The following SDK1 variants were observed in gnomAD, a reference collection of about 807,000 sequenced individuals.
SDK1 encodes sidekick cell adhesion molecule 1.
A neutral mutation model predicts 245.5 loss-of-function variants in SDK1; 157 were observed. The ratio of observed to expected loss-of-function variants is 0.64; its 90% CI spans 0.56 to 0.73. The LOEUF is 0.73. SDK1 is among the 30% of genes least tolerant of loss of function. The pLI, the probability that SDK1 is intolerant of heterozygous loss-of-function variation, is 0.00. For missense variants in SDK1, 3,583 were observed against 3,002.3 expected (o/e 1.19, Z -4.52); for synonymous variants, 1,647 against 1,278.5 (o/e 1.29, Z -6.15).
At chr7:3,728,192 G>A (rs575364486) in intron 4 of SDK1, among the ~76,000 whole-genome samples, 1 of 152,188 alleles carries the variant, frequency 6.6e-6, no homozygotes, top group South Asian at 2.1e-4. Context: ...CTTGATCACC[G>A]CTGAGGTAGT....
chr7:4,124,212 G>C (rs774920290), intron 25 of SDK1, among the ~76,000 whole-genome samples: 1 of 152,236 alleles, frequency 6.6e-6, no homozygotes, highest in Non-Finnish European at 1.5e-5. Flanking sequence ...CTTAAAGACT[G>C]TGTTCGTGTC....
At chr7:3,677,909 T>G (rs773080587) in intron 4 of SDK1, among the ~76,000 whole-genome samples, 21 of 152,180 alleles carry the variant, frequency 1.4e-4, no homozygotes, top group African/African-American at 3.9e-4. Context: ...GAGGCTGATG[T>G]CCAGAATGTG....
At chr7:3,520,952 A>T (rs1305695483) in intron 1 of SDK1, among the ~76,000 whole-genome samples, 1 of 152,188 alleles carries the variant, frequency 6.6e-6, no homozygotes, top group African/African-American at 2.4e-5. Context: ...TAGGTAAGGT[A>T]TGGCTGCACT....
At chr7:3,492,650 T>C (rs1781899488) in intron 1 of SDK1, among the ~76,000 whole-genome samples, 1 of 152,216 alleles carries the variant, frequency 6.6e-6, no homozygotes, top group Admixed American at 6.5e-5. Context: ...ATCTCCACAG[T>C]TCACAGGTAA....
rs140737299 is a variant in SDK1 at position 3,405,398 on chromosome 7, G to A, written c.298+103514G>A. ...TTTTAAACACTGAAGTGCCCAAGTTGCATGCAAACAGGCTGTGGGCTGACC... is the reference window on the plus strand; with the variant it reads ...TTTTAAACACTGAAGTGCCCAAGTTACATGCAAACAGGCTGTGGGCTGACC... On this transcript the variant is annotated intron_variant, in intron 1 of 44. Transcript: ENST00000404826. Among the ~76,000 whole-genome samples the A allele has an allele frequency of 1.3e-4, 20 of 152,242 alleles. No individual in the cohort carries two copies. In the East Asian group the frequency reaches 2.9e-3, roughly 22 times the overall value.
At chr7:3,837,922 C>T (rs1382412736) in intron 5 of SDK1, among the ~76,000 whole-genome samples, 1 of 152,128 alleles carries the variant, frequency 6.6e-6, no homozygotes, top group Non-Finnish European at 1.5e-5. Context: ...TTTATTCGCT[C>T]CTGGAGTGAT....
chr7:3,745,885 G>A (rs773457273), intron 4 of SDK1, among the ~76,000 whole-genome samples: 4 of 152,164 alleles, frequency 2.6e-5, no homozygotes, highest in Non-Finnish European at 5.9e-5. Flanking sequence ...GAGATTTTCT[G>A]TATAATTATG....
At chr7:3,398,070 G>A (rs906363324) in intron 1 of SDK1, among the ~76,000 whole-genome samples, 1 of 152,016 alleles carries the variant, frequency 6.6e-6, no homozygotes, top group African/African-American at 2.4e-5. Flanking sequence ...TATCTGGCTT[G>A]TAGGTTTAAC....
At chr7:3,348,704 A>C (rs1583720171) in intron 1 of SDK1, among the ~76,000 whole-genome samples, 1 of 152,156 alleles carries the variant, frequency 6.6e-6, no homozygotes, top group African/African-American at 2.4e-5. Flanking sequence ...ATAAAAGTTG[A>C]AATTGTTTTT....
At chr7:3,919,967 C>A (rs955948032) in intron 5 of SDK1, among the ~76,000 whole-genome samples, 3 of 152,020 alleles carry the variant, frequency 2.0e-5, no homozygotes, top group Non-Finnish European at 4.4e-5. Context: ...GCAGAGGGGG[C>A]ACCACCAGCT....
chr7:3,691,963 G>A (rs1784448125), intron 4 of SDK1, among the ~76,000 whole-genome samples: 1 of 151,994 alleles, frequency 6.6e-6, no homozygotes, highest in Admixed American at 6.6e-5. Context: ...CTCCCGCTGG[G>A]TCTTTCAGTC....
intron 1 of SDK1, among the ~76,000 whole-genome samples, chr7:3,581,380 A>C (rs1780482624): frequency 6.6e-6 from 1 of 152,254 alleles, no homozygotes; most frequent in Non-Finnish European, 1.5e-5. Flanking sequence ...ATATGCAGCC[A>C]ACAAGCATAT....
chr7:4,143,651 T>G (rs1327271751), intron 28 of SDK1, among the ~76,000 whole-genome samples: 1 of 152,210 alleles, frequency 6.6e-6, no homozygotes, highest in Non-Finnish European at 1.5e-5. Context: ...AGGATGCTTC[T>G]GCGCAGTGGG....
At chr7:3,380,109 A>G (rs913659699) in intron 1 of SDK1, among the ~76,000 whole-genome samples, 3 of 152,192 alleles carry the variant, frequency 2.0e-5, no homozygotes, top group African/African-American at 7.2e-5. Context: ...TTGAATTTCA[A>G]CTTTTCTATG....
At chr7:3,571,495 G>T (rs1049692210) in intron 1 of SDK1, among the ~76,000 whole-genome samples, 11 of 151,878 alleles carry the variant, frequency 7.2e-5, no homozygotes, top group African/African-American at 2.7e-4. Flanking sequence ...TGTACAGACA[G>T]GGTCTTGCTG....
At chr7:3,680,160 A>T (rs576686243) in intron 4 of SDK1, among the ~76,000 whole-genome samples, 1 of 152,204 alleles carries the variant, frequency 6.6e-6, no homozygotes, top group Non-Finnish European at 1.5e-5. Flanking sequence ...TCTCAGGGGC[A>T]TCATGCTTAG....
intron 29 of SDK1, among the ~76,000 whole-genome samples, chr7:4,148,809 G>C (rs1297566186): frequency 1.3e-5 from 2 of 152,240 alleles, no homozygotes; most frequent in East Asian, 3.9e-4. Flanking sequence ...TGTAATCCCA[G>C]CTCTTTGGGA....
intron 1 of SDK1, among the ~76,000 whole-genome samples, chr7:3,597,513 C>T (rs754806368): frequency 1.1e-4 from 16 of 152,144 alleles, no homozygotes; most frequent in Non-Finnish European, 1.9e-4. Flanking sequence ...TTGGTTACTT[C>T]AGGTTGCTTT....
intron 1 of SDK1, among the ~76,000 whole-genome samples, chr7:3,456,590 T>G (rs1036529071): frequency 2.0e-5 from 3 of 152,228 alleles, no homozygotes; most frequent in African/African-American, 7.2e-5. Context: ...AGTTCTAGAT[T>G]TTTTTGTTTT....
Sources: gnomAD v4.1 joint callset for allele counts (sites outside exome capture counted in the v4.1 genomes callset) on GRCh38, gnomAD v4.1.1 for gene constraint, MANE v1.5 for transcripts, NCBI Gene and HGNC (gene_info 2026-07-23, HGNC 2026-07-21) for gene names.